The following DPYSL2 variants were observed in gnomAD, a reference collection of about 807,000 sequenced individuals.
DPYSL2 encodes dihydropyrimidinase like 2.
In DPYSL2, 13 loss-of-function variants were observed where a neutral mutation model predicts 69.9. The observed-to-expected ratio is 0.19, with a 90% CI of 0.12 to 0.30. The LOEUF is 0.30. Ranked by LOEUF, DPYSL2 falls within the 10% of genes least tolerant of loss-of-function variation. The pLI is 1.00. For synonymous variants in DPYSL2, 326 were observed against 359.1 expected, an observed-to-expected ratio of 0.91 and a Z score of 1.04; for missense variants, 587 against 918.9, an observed-to-expected ratio of 0.64 and a Z score of 4.67.
intron 1 of DPYSL2, chr8:26,548,115 C>T (rs534345236): frequency 2.6e-4 from 57 of 219,214 alleles, no homozygotes; most frequent in East Asian, 8.6e-4. Flanking sequence ...GATATCACTC[C>T]GGGAGAAGGT....
intron 3 of DPYSL2, among the ~76,000 whole-genome samples, chr8:26,612,410 G>A (rs1181364881): frequency 6.6e-6 from 1 of 152,244 alleles, no homozygotes; most frequent in African/African-American, 2.4e-5. Flanking sequence ...ATGTATAATA[G>A]AGGAAATTTG....
intron 1 of DPYSL2, chr8:26,577,732 G>C (rs1185077439): frequency 1.1e-6 from 1 of 889,956 alleles, no homozygotes; most frequent in Non-Finnish European, 1.3e-6. Flanking sequence ...CGCGCTCCCA[G>C]CGCGGGCGCT....
At position 26,647,954 on chromosome 8, in the gene DPYSL2, A is replaced by G. The variant is rs1001503254; in HGVS notation, c.1596+154A>G. 6.6e-6 allele frequency among the ~76,000 whole-genome samples: 1 copy of G among 152,224 alleles called. No homozygotes were observed. Among genetic ancestry groups the G allele is most frequent in the Non-Finnish European group, 1.5e-5 (1 of 68,038 alleles). On this transcript the variant is annotated intron_variant, in intron 11 of 13. Transcript: ENST00000521913. This position sits in a 1 kb window ranked among gnomAD's most constrained non-coding sequence, Gnocchi z 5.1. ...TGATTTGCAATTTGCTGGGAAAAGA[A>G]TAGTTATTTCATTTTCTTTAGTGAG...
In DPYSL2 at chr8:26,533,388, C is replaced by G. The variant is rs1800542208; in HGVS notation, c.354+18709C>G. ...TTTTGACAAAGTGTAACTTATCTAT[C>G]TTTTCTTTTGTTGCTTGTACTTTTG... On this transcript the variant is annotated intron_variant, in intron 1 of 13. Transcript: ENST00000521913. This position sits in a 1 kb window ranked among gnomAD's most constrained non-coding sequence, Gnocchi z 4.8. Among the ~76,000 whole-genome samples, 1 of 152,102 alleles carries G rather than the reference C, an allele frequency of 6.6e-6. No individual in the cohort carries two copies. Among genetic ancestry groups the G allele is most frequent in the Non-Finnish European group, 1.5e-5 (1 of 68,012 alleles).
chr8:26,591,293 T>C lies in DPYSL2; in HGVS notation c.628+7310T>C, dbSNP rs1801721671. ...GAACCGGGAGTGGAGGTGGGGCCCA[T>C]GGGAATGCTAGGCTCCAGCAAGTTC... On this transcript the variant is annotated intron_variant, in intron 3 of 13. Coordinates refer to ENST00000521913, the MANE Select transcript of DPYSL2 (RefSeq NM_001197293.3). The surrounding 1 kb of genome is among the most constrained non-coding windows in gnomAD (Gnocchi z 5.8). Among the ~76,000 whole-genome samples the C allele has an allele frequency of 6.6e-6, 1 of 152,132 alleles. No individual in the cohort carries two copies. The highest frequency in any genetic ancestry group is 2.4e-5 in the African/African-American group (1 of 41,430).
rs974984790 is a variant in DPYSL2 at position 26,617,839 on chromosome 8, G to C, written c.629-6304G>C. On this transcript the variant is annotated intron_variant, in intron 3 of 13. Transcript: ENST00000521913. This position sits in a 1 kb window ranked among gnomAD's most constrained non-coding sequence, Gnocchi z 4.7. ...TAGATTGATGGTGGCCAGGGTTTGG[G>C]AGTAGCAGGGGTAGGAGGGAATGGG... Among the ~76,000 whole-genome samples the C allele has an allele frequency of 6.6e-6, 1 of 152,190 alleles. No homozygotes were observed. Among genetic ancestry groups the C allele is most frequent in the Non-Finnish European group, 1.5e-5 (1 of 68,036 alleles).
chr8:26,529,619 AT>A (rs1396884659), intron 1 of DPYSL2, among the ~76,000 whole-genome samples: 1 of 151,730 alleles, frequency 6.6e-6, no homozygotes, highest in Non-Finnish European at 1.5e-5. Flanking sequence ...GCTGCCTATA[AT>A]TTTTCTTTTA....
rs879410689 is a variant in DPYSL2, at chr8:26,598,261, G to A, written c.628+14278G>A. On this transcript the variant is annotated intron_variant, in intron 3 of 13. Transcript: ENST00000521913. The surrounding 1 kb of genome is among the most constrained non-coding windows in gnomAD (Gnocchi z 4.2). ...GTGACTTTTGCCTTCAGCAGCCATC[G>A]CATTACATCATCTACCTTTTCTTGT... Among the ~76,000 whole-genome samples the A allele has an allele frequency of 6.6e-6, 1 of 152,196 alleles. No homozygotes were observed. Among genetic ancestry groups the A allele is most frequent in the Non-Finnish European group, 1.5e-5 (1 of 68,040 alleles).
intron 1 of DPYSL2, among the ~76,000 whole-genome samples, chr8:26,521,995 T>A (rs533756851): frequency 6.6e-6 from 1 of 152,336 alleles, no homozygotes; most frequent in East Asian, 1.9e-4. Flanking sequence ...AACATTTTTT[T>A]ACAAGTTTTT....
At chr8:26,515,549 T>G (rs1563371270) in intron 1 of DPYSL2, among the ~76,000 whole-genome samples, 1 of 152,172 alleles carries the variant, frequency 6.6e-6, no homozygotes, top group South Asian at 2.1e-4. Context: ...AAAGGCCAAT[T>G]TGGTCACGCT....
intron 1 of DPYSL2, among the ~76,000 whole-genome samples, chr8:26,521,008 A>AG (rs1397745938): frequency 6.6e-6 from 1 of 152,134 alleles, no homozygotes; most frequent in Non-Finnish European, 1.5e-5. Flanking sequence ...CCATTCCACT[A>AG]GGGGTTAGGA....
At position 26,655,709 on chromosome 8, in the gene DPYSL2, C is replaced by T. The variant is rs749625196; in HGVS notation, c.*3C>T. On this transcript the variant is annotated 3_prime_UTR_variant, in exon 14 of 14. Transcript: ENST00000521913. ...CCAACATCACCAGCCTGGGCTAGAGCTCCTGGGCTGTGCCGTCCACTGGGG... is the reference window on the plus strand; with the variant it reads ...CCAACATCACCAGCCTGGGCTAGAGTTCCTGGGCTGTGCCGTCCACTGGGG... The T allele has an allele frequency of 1.2e-5, 20 of 1,603,316 alleles. No individual in the cohort carries two copies. In the Admixed American group the frequency reaches 1.7e-4, roughly 13 times the overall value.
At chr8:26,600,203 G>T (rs1295823707) in intron 3 of DPYSL2, among the ~76,000 whole-genome samples, 2 of 152,164 alleles carry the variant, frequency 1.3e-5, no homozygotes. Flanking sequence ...TGGCTATTGT[G>T]CATGAATAAT....
chr8:26,557,663 C>T (rs868141856), intron 1 of DPYSL2, among the ~76,000 whole-genome samples: 1 of 144,890 alleles, frequency 6.9e-6, no homozygotes, highest in African/African-American at 2.5e-5. Flanking sequence ...GTGGTACATG[C>T]CTATAATCCC....
At position 26,616,586 on chromosome 8, in the gene DPYSL2, G is replaced by T. The variant is rs147678524; in HGVS notation, c.629-7557G>T. Among the ~76,000 whole-genome samples, 676 of 152,382 alleles carry T rather than the reference G, an allele frequency of 4.4e-3. 3 individuals carry two copies. The highest frequency in any genetic ancestry group is 5.5e-3 in the Non-Finnish European group (377 of 68,038). Reference sequence around the variant, plus strand: ...TGACTATTTGGAATAAGATCCTGGAGATGGGCAGTGCTGATAGAGTAAATA... The same window carrying T: ...TGACTATTTGGAATAAGATCCTGGATATGGGCAGTGCTGATAGAGTAAATA... On this transcript the variant is annotated intron_variant, in intron 3 of 13. Transcript: ENST00000521913.
chr8:26,525,744 C>T (rs945547499), intron 1 of DPYSL2, among the ~76,000 whole-genome samples: 4 of 152,222 alleles, frequency 2.6e-5, no homozygotes, highest in South Asian at 4.1e-4. Flanking sequence ...ACTAAATCCA[C>T]GGTGGTTCAA....
chr8:26,562,650 C>T lies in DPYSL2; in HGVS notation c.355-19319C>T, dbSNP rs568153708. Among the ~76,000 whole-genome samples the T allele has an allele frequency of 6.4e-4, 98 of 152,274 alleles. No individual in the cohort carries two copies. Among genetic ancestry groups the T allele is most frequent in the African/African-American group, 2.2e-3 (93 of 41,540 alleles). ...TGGTCCCTGCCTGCTGCTTTAACTT[C>T]GGTTGTACAAAGCAGATGTTACTGT... is the stretch of plus-strand genomic sequence containing the variant. On this transcript the variant is annotated intron_variant, in intron 1 of 13. Coordinates refer to ENST00000521913, the MANE Select transcript of DPYSL2 (RefSeq NM_001197293.3). This position sits in a 1 kb window ranked among gnomAD's most constrained non-coding sequence, Gnocchi z 4.9.
rs1199983705 is a variant in DPYSL2 at position 26,636,604 on chromosome 8, C to T, written c.1126+1704C>T. Among the ~76,000 whole-genome samples the T allele has an allele frequency of 5.3e-5, 8 of 152,238 alleles. No homozygotes were observed. The South Asian group carries it at 8.3e-4, about 16-fold the overall frequency. ...AGGTGGAGTCGTGGGCCAGCCCTGC[C>T]GCAGGCCTCCTCCTCTCTGTCCCTC... On this transcript the variant is annotated intron_variant, in intron 8 of 13. Transcript: ENST00000521913.
chr8:26,608,426 A>C (rs773307778), intron 3 of DPYSL2, among the ~76,000 whole-genome samples: 1 of 152,214 alleles, frequency 6.6e-6, no homozygotes, highest in Non-Finnish European at 1.5e-5. Context: ...TTTATAAAAA[A>C]CAAAAGTTCC....
Sources: allele counts gnomAD v4.1 joint callset (sites outside exome capture counted in the v4.1 genomes callset), GRCh38; gene constraint gnomAD v4.1.1; non-coding constraint Gnocchi (gnomAD v3.1); transcripts MANE v1.5; gene names NCBI Gene and HGNC (gene_info 2026-07-23, HGNC 2026-07-21).